The following ZMYM4 variants were observed in gnomAD, a reference collection of about 807,000 sequenced individuals.
ZMYM4 encodes zinc finger MYM-type protein 4.
A neutral mutation model predicts 183.2 loss-of-function variants in ZMYM4; 31 were observed. The observed-to-expected ratio is 0.17, with a 90% confidence interval of 0.13 to 0.23. The LOEUF (loss-of-function observed/expected upper bound fraction) is 0.23. Among genes scored for constraint, ZMYM4 ranks in the 10% least tolerant of loss-of-function variants. The pLI, the probability that ZMYM4 is intolerant of heterozygous loss-of-function variation, is 1.00. For missense variants in ZMYM4, 1,273 were observed against 1,840.3 expected (o/e 0.69, Z 5.64); for synonymous variants, 592 against 631.2 (o/e 0.94, Z 0.93).
At chr1:35,270,596 T>C (rs1461819306) in intron 1 of ZMYM4, among the ~76,000 whole-genome samples, 1 of 152,078 alleles carries the variant, frequency 6.6e-6, no homozygotes, top group Non-Finnish European at 1.5e-5. Context: ...CCGTCTCTAC[T>C]AAAAATACAA....
chr1:35,308,081 T>G (rs944105965), intron 1 of ZMYM4, among the ~76,000 whole-genome samples: 1 of 152,170 alleles, frequency 6.6e-6, no homozygotes, highest in Admixed American at 6.5e-5. Context: ...AACCTCCACC[T>G]CCTGGGTTCA....
intron 2 of ZMYM4, among the ~76,000 whole-genome samples, chr1:35,334,161 CA>C (rs1558022523): frequency 2.6e-5 from 4 of 151,902 alleles, no homozygotes; most frequent in Admixed American, 2.6e-4. Context: ...ACAGAAAATA[CA>C]GAAAAAATTA....
At chr1:35,371,080 TGTGTGTGTGTGTGTGTGTGTGTGTGTGC>T (rs1453136781) in intron 7 of ZMYM4, among the ~76,000 whole-genome samples, 9 of 118,090 alleles carry the variant, frequency 7.6e-5, no homozygotes, top group Non-Finnish European at 1.6e-4. Flanking sequence ...TGTGTGTGTG[TGTGTGTGTGTGTGTGTGTGTGTGTGTGC>T]GCACATTTAT....
intron 15 of ZMYM4, 120 bp from the exon 16 acceptor site, chr1:35,392,092 C>A: frequency 7.5e-7 from 1 of 1,326,748 alleles, no homozygotes; most frequent in African/African-American, 1.5e-5. Context: ...CCTAAAGTGA[C>A]TTTTTGCTCC....
intron 1 of ZMYM4, among the ~76,000 whole-genome samples, chr1:35,271,764 A>C (rs1455968751): frequency 6.6e-6 from 1 of 152,126 alleles, no homozygotes; most frequent in African/African-American, 2.4e-5. Flanking sequence ...GGTTTCCCCC[A>C]TTATTTTGCC....
chr1:35,272,472 C>T (rs1197618894), intron 1 of ZMYM4, among the ~76,000 whole-genome samples: 1 of 152,174 alleles, frequency 6.6e-6, no homozygotes, highest in Admixed American at 6.5e-5. Context: ...GTCTGGACAT[C>T]TTGTGACCTC....
At chr1:35,287,803 A>G (rs895167333) in intron 1 of ZMYM4, among the ~76,000 whole-genome samples, 5 of 151,990 alleles carry the variant, frequency 3.3e-5, no homozygotes, top group Non-Finnish European at 7.4e-5. Context: ...ATGGGGTTTC[A>G]CCATGTTGGT....
chr1:35,278,203 TC>T (rs944110912), intron 1 of ZMYM4, among the ~76,000 whole-genome samples: 70 of 152,078 alleles, frequency 4.6e-4, no homozygotes, highest in African/African-American at 1.4e-3. Flanking sequence ...TCTACCTTAT[TC>T]CTGGATGTTC....
rs367902263 is a variant in ZMYM4, at chr1:35,381,412, C to T, written c.1335C>T (p.Ser445=). The T allele has an allele frequency of 2.6e-5, 42 of 1,608,696 alleles. No individual in the cohort carries two copies. In the African/African-American group the frequency reaches 5.0e-4, roughly 19 times the overall value. ...INTNSISTKC[S]MCQKNAVIRH... is the part of the protein sequence containing the mutation. The stretch of plus-strand genomic sequence containing the variant: ...CAAATAGTATTTCAACCAAATGCAG[C>T]ATGTGTCAGAAGAATGCTGTTGTAA... The change falls in exon 8 of 30, where the codon AGC becomes AGT. Residue 445 remains serine (S), a synonymous_variant. Transcript: ENST00000314607.
chr1:35,408,219 C>A, intron 26 of ZMYM4, 60 bp downstream of exon 26: 1 of 1,589,208 alleles, frequency 6.3e-7, no homozygotes, highest in Admixed American at 1.7e-5. Context: ...GAATATGTCC[C>A]CACAGAAATT....
intron 1 of ZMYM4, among the ~76,000 whole-genome samples, chr1:35,289,117 A>G: frequency 6.6e-6 from 1 of 152,220 alleles, no homozygotes; most frequent in East Asian, 1.9e-4. Flanking sequence ...AGAAAACAGG[A>G]CAGCATAAGA....
At position 35,381,301 on chromosome 1, in the gene ZMYM4, AAAC is replaced by A. The variant is rs1201842893; in HGVS notation, c.1226_1228del (p.Asn409del). The stretch of plus-strand genomic sequence containing the variant: ...AGGATGTGATCAGTGCCCAGTTTGA[AAAC>A]ACCACCACTAGTAAAGATTTTTGCA... On this transcript the variant is annotated inframe_deletion, in exon 8 of 30. Transcript: ENST00000314607. The A allele has an allele frequency of 4.3e-6, 7 of 1,611,716 alleles. No individual in the cohort carries two copies. In the Admixed American group the frequency reaches 8.4e-5, roughly 19 times the overall value.
chr1:35,419,412 C>T (rs914208378), intron 29 of ZMYM4, 58 bp from the exon 30 acceptor site: 2 of 1,572,378 alleles, frequency 1.3e-6, no homozygotes, highest in African/African-American at 2.7e-5. Flanking sequence ...TACATATTTC[C>T]TATACTCTCT....
intron 7 of ZMYM4, among the ~76,000 whole-genome samples, chr1:35,376,971 A>C (rs1402712624): frequency 1.3e-5 from 2 of 151,810 alleles, no homozygotes; most frequent in Non-Finnish European, 2.9e-5. Context: ...CAGTGGTGCG[A>C]TCTGGGCTCA....
intron 1 of ZMYM4, among the ~76,000 whole-genome samples, chr1:35,296,413 C>G (rs1419345681): frequency 6.6e-6 from 1 of 152,194 alleles, no homozygotes; most frequent in Non-Finnish European, 1.5e-5. Context: ...TTACATGCAC[C>G]TCGTATCAGT....
intron 5 of ZMYM4, among the ~76,000 whole-genome samples, chr1:35,366,797 T>G (rs565574313): frequency 1.3e-5 from 2 of 152,228 alleles, no homozygotes; most frequent in Non-Finnish European, 2.9e-5. Context: ...GCGAATCACT[T>G]GAGGTCAGGA....
At position 35,405,201 on chromosome 1, in the gene ZMYM4, G is replaced by A. The variant is rs779106579; in HGVS notation, c.3700+7G>A. On this transcript the variant is annotated splice_region_variant and intron_variant, in intron 24 of 29. Coordinates refer to ENST00000314607, the MANE Select transcript of ZMYM4 (RefSeq NM_005095.3). ...GGGGATCTAAAATGTGGAGGTAAGT[G>A]CACAGCATGAATTGTATCTTGATTT... is the stretch of plus-strand genomic sequence containing the variant. 4 of 1,613,080 alleles carry A rather than the reference G, an allele frequency of 2.5e-6. No individual in the cohort carries two copies. The highest frequency in any genetic ancestry group is 4.5e-5 in the East Asian group (2 of 44,856).
At chr1:35,320,191 T>C (rs974900817) in intron 1 of ZMYM4, among the ~76,000 whole-genome samples, 2 of 152,202 alleles carry the variant, frequency 1.3e-5, no homozygotes, top group African/African-American at 2.4e-5. Flanking sequence ...GGCCTTTCCA[T>C]AGCTTCAGCA....
chr1:35,332,984 C>T (rs1642818661), intron 2 of ZMYM4, among the ~76,000 whole-genome samples: 1 of 152,044 alleles, frequency 6.6e-6, no homozygotes, highest in South Asian at 2.1e-4. Flanking sequence ...ACAAGCTTGC[C>T]CAGATTCAGA....
Sources: allele counts gnomAD v4.1 joint callset (sites outside exome capture counted in the v4.1 genomes callset), GRCh38; gene constraint gnomAD v4.1.1; transcripts MANE v1.5; gene names NCBI Gene and HGNC (gene_info 2026-07-23, HGNC 2026-07-21).